Variants in TMEM212 observed in about 807,000 individuals in gnomAD.
TMEM212 encodes the protein transmembrane protein 212.
TMEM212 carries 23 observed loss-of-function variants against 20.5 expected under a neutral mutation model. That is an observed-to-expected ratio of 1.12 (90% CI 0.81 to 1.59). TMEM212 has a LOEUF of 1.59. TMEM212 is among the 40% of genes most tolerant of loss of function. TMEM212 has a pLI of 0.00. For synonymous variants in TMEM212, 76 were observed against 81.6 expected (o/e 0.93, Z 0.37); for missense variants, 211 against 215.0 (o/e 0.98, Z 0.12).
chr3:171,855,809 T>C (rs1167397046), intron 3 of TMEM212, among the ~76,000 whole-genome samples: 1 of 152,232 alleles, frequency 6.6e-6, no homozygotes, highest in African/African-American at 2.4e-5. Flanking sequence ...TAAAGTCATG[T>C]TAAACCCTTG....
Position 171,853,672 on chromosome 3 carries a change from TTACC to T in TMEM212, c.367_370del (p.Thr123PhefsTer10), listed in dbSNP as rs776897773. Reference sequence around the variant, plus strand: ...GGGACTAATTACCTTGGCTATGCAGTTACCTTTCCTTATCCATATGCAAAATTCC... The same window carrying T: ...GGGACTAATTACCTTGGCTATGCAGTTTTCCTTATCCATATGCAAAATTCC... On this transcript the variant is annotated frameshift_variant, in exon 3 of 5. Transcript: ENST00000334567. LOFTEE classifies it high-confidence loss of function. The T allele has an allele frequency of 2.0e-6, 3 of 1,537,494 alleles. 1 individual carries two copies. In the South Asian group the frequency reaches 3.6e-5, roughly 18 times the overall value.
In TMEM212 at chr3:171,858,086, G is replaced by A. The variant is rs1725158799; in HGVS notation, c.*29G>A. On this transcript the variant is annotated 3_prime_UTR_variant, in exon 5 of 5. Transcript: ENST00000334567. ...AATTGGAAAAAACTAAAGTTCATATGGGACCAAAAAAGAGCCCGCATACCC... is the reference window on the plus strand; with the variant it reads ...AATTGGAAAAAACTAAAGTTCATATAGGACCAAAAAAGAGCCCGCATACCC... The A allele has an allele frequency of 6.6e-6, 1 of 152,030 alleles. No homozygotes were observed. The highest frequency in any genetic ancestry group is 1.5e-5 in the Non-Finnish European group (1 of 68,044). 9.4% of individuals were successfully genotyped at this position (152,030 alleles called of 1,614,324 possible).
intron 1 of TMEM212, among the ~76,000 whole-genome samples, chr3:171,845,066 C>T (rs1001226342): frequency 2.6e-5 from 4 of 152,100 alleles, no homozygotes; most frequent in Admixed American, 2.6e-4. Flanking sequence ...TCACCCCAAT[C>T]TTGATCTTCC....
At chr3:171,846,673 T>C (rs1331975357) in intron 1 of TMEM212, among the ~76,000 whole-genome samples, 1 of 152,222 alleles carries the variant, frequency 6.6e-6, no homozygotes, top group South Asian at 2.1e-4. Flanking sequence ...GTATTTATAT[T>C]ATACTAGTGC....
At chr3:171,848,068 T>C (rs1023364186) in intron 1 of TMEM212, among the ~76,000 whole-genome samples, 9 of 152,184 alleles carry the variant, frequency 5.9e-5, no homozygotes, top group Middle Eastern at 3.4e-3. Flanking sequence ...ACCAAAACCA[T>C]TTTTTTTCTT....
chr3:171,846,654 G>T (rs943012241), intron 1 of TMEM212, among the ~76,000 whole-genome samples: 1 of 152,196 alleles, frequency 6.6e-6, no homozygotes, highest in African/African-American at 2.4e-5. Flanking sequence ...AAGACTAAAG[G>T]TCAGGGTGGT....
At chr3:171,856,635 A>T (rs1231966018) in intron 3 of TMEM212, 28 bp from the exon 4 acceptor site, 1 of 675,198 alleles carries the variant, frequency 1.5e-6, no homozygotes, top group Admixed American at 2.1e-5. Flanking sequence ...AGCCTTATCA[A>T]ATTTGCTGTC....
At chr3:171,845,325 T>C (rs920406982) in intron 1 of TMEM212, among the ~76,000 whole-genome samples, 10 of 152,220 alleles carry the variant, frequency 6.6e-5, no homozygotes, top group African/African-American at 2.2e-4. Context: ...GATGTTTATA[T>C]ATCTATAAAA....
intron 3 of TMEM212, among the ~76,000 whole-genome samples, chr3:171,854,798 A>C (rs1725073372): frequency 6.6e-6 from 1 of 152,224 alleles, no homozygotes; most frequent in Non-Finnish European, 1.5e-5. Context: ...AACAGACAAT[A>C]GACCAATGGA....
At chr3:171,857,486 C>T (rs1030145000) in intron 4 of TMEM212, among the ~76,000 whole-genome samples, 15 of 152,252 alleles carry the variant, frequency 9.9e-5, no homozygotes, top group African/African-American at 3.1e-4. Context: ...TTTGTCTTAG[C>T]ACTGCTTTTT....
At chr3:171,846,829 T>A (rs765588993) in intron 1 of TMEM212, among the ~76,000 whole-genome samples, 2 of 152,178 alleles carry the variant, frequency 1.3e-5, no homozygotes, top group South Asian at 2.1e-4. Context: ...TCAAACAGTC[T>A]CTGACTCATT....
chr3:171,847,656 C>A (rs908013142), intron 1 of TMEM212, among the ~76,000 whole-genome samples: 2 of 152,076 alleles, frequency 1.3e-5, no homozygotes, highest in African/African-American at 4.8e-5. Context: ...TGAGAAGCAG[C>A]TATAAGGGTA....
rs1725159912 is a variant in TMEM212 at position 171,858,164 on chromosome 3, T to G, written c.*107T>G. 6.6e-6 allele frequency: 1 copy of G among 152,112 alleles called. No homozygotes were observed. The highest frequency in any genetic ancestry group is 1.5e-5 in the Non-Finnish European group (1 of 68,070). 9.4% of individuals were successfully genotyped at this position (152,112 alleles called of 1,614,324 possible). A position where few individuals can be genotyped will look rare whatever the true frequency, so the allele number is the denominator to read the frequency against. On this transcript the variant is annotated 3_prime_UTR_variant, in exon 5 of 5. Transcript: ENST00000334567. ...GCTGGAGGCATCACACTACCTGACTTCAAACTATTCTACAAGGCTACAGTT... is the reference window on the plus strand; with the variant it reads ...GCTGGAGGCATCACACTACCTGACTGCAAACTATTCTACAAGGCTACAGTT...
At chr3:171,845,562 G>A (rs1378494248) in intron 1 of TMEM212, among the ~76,000 whole-genome samples, 1 of 152,158 alleles carries the variant, frequency 6.6e-6, no homozygotes, top group African/African-American at 2.4e-5. Flanking sequence ...ATGATTGAAT[G>A]TATTGTTCTA....
At chr3:171,848,558 T>C (rs1484985044) in intron 1 of TMEM212, among the ~76,000 whole-genome samples, 1 of 39,506 alleles carries the variant, frequency 2.5e-5, no homozygotes, top group Non-Finnish European at 4.2e-5. Context: ...TTACAATAAA[T>C]GCATAGAATA....
At chr3:171,849,682 C>A (rs905287833) in intron 1 of TMEM212, among the ~76,000 whole-genome samples, 1 of 152,172 alleles carries the variant, frequency 6.6e-6, no homozygotes, top group African/African-American at 2.4e-5. Context: ...TATGATACCT[C>A]TTAAAGTTTC....
intron 1 of TMEM212, among the ~76,000 whole-genome samples, chr3:171,843,855 A>G (rs559764345): frequency 6.6e-6 from 1 of 152,334 alleles, no homozygotes; most frequent in Non-Finnish European, 1.5e-5. Context: ...AATCTTTTGA[A>G]ATGTGAATTT....
chr3:171,850,091 TCCTC>T (rs1341753273), intron 1 of TMEM212, among the ~76,000 whole-genome samples: 3 of 151,836 alleles, frequency 2.0e-5, no homozygotes, highest in South Asian at 2.1e-4. Context: ...CATTCTTTTC[TCCTC>T]CCTATCTAAA....
In TMEM212 at chr3:171,853,573, C is replaced by A. The variant is rs756590027; in HGVS notation, c.266C>A (p.Pro89Gln). ...TFVILSIMGC[P>Q]LHFAIALESA... ...GTGATTCTGAGCATTATGGGATGTC[C>A]ACTTCATTTTGCAATAGCCTTGGAA... The change falls in exon 3 of 5, where the codon CCA (proline) becomes CAA (glutamine). Residue 89 changes from proline to glutamine, a missense_variant. Pro to Gln is a moderately conservative substitution (Grantham distance 76). Coordinates refer to ENST00000334567, the MANE Select transcript of TMEM212 (RefSeq NM_001164436.2). The A allele has an allele frequency of 1.3e-6, 2 of 1,537,104 alleles. No individual in the cohort carries two copies. Among genetic ancestry groups the A allele is most frequent in the Non-Finnish European group, 8.7e-7 (1 of 1,146,824 alleles).
Sources: gnomAD v4.1 joint callset for allele counts (sites outside exome capture counted in the v4.1 genomes callset) on GRCh38, gnomAD v4.1.1 for gene constraint, MANE v1.5 for transcripts, NCBI Gene and HGNC (gene_info 2026-07-23, HGNC 2026-07-21) for gene names.